Variants in SHPRH observed in about 807,000 individuals in gnomAD.
SHPRH encodes the protein E3 ubiquitin-protein ligase SHPRH.
In SHPRH, 106 loss-of-function variants were observed where a neutral mutation model predicts 202.5. The ratio of observed to expected loss-of-function variants is 0.52; its 90% confidence interval spans 0.45 to 0.62. The LOEUF is 0.62. SHPRH is among the 20% of genes least tolerant of loss of function. The probability of loss-of-function intolerance (pLI) is 0.00; values close to 1 mark genes in which losing one functional copy is unlikely to be tolerated. For synonymous variants in SHPRH, 729 were observed against 686.0 expected (o/e 1.06, Z -0.98); for missense variants, 1,710 against 2,020.0 (o/e 0.85, Z 2.94).
intron 2 of SHPRH, among the ~76,000 whole-genome samples, chr6:145,873,931 GCTCACGCCTGTAATCC>G (rs1285168559): frequency 6.6e-6 from 1 of 151,982 alleles, no homozygotes; most frequent in Non-Finnish European, 1.5e-5. Context: ...GGGCACAGTG[GCTCACGCCTGTAATCC>G]CAGCACTTTG....
At chr6:145,873,713 AAGGGAGGGAGGGAGGG>A (rs1200242419) in intron 2 of SHPRH, among the ~76,000 whole-genome samples, 3 of 87,968 alleles carry the variant, frequency 3.4e-5, no homozygotes, top group East Asian at 3.4e-4. Context: ...GGAAGGAAGG[AAGGGAGGGAGGGAGGG>A]AGGGAGGGAG....
chr6:145,962,550 A>C (rs146249834), intron 1 of SHPRH, among the ~76,000 whole-genome samples: 40 of 152,374 alleles, frequency 2.6e-4, no homozygotes, highest in African/African-American at 9.1e-4. Context: ...ATGGAATGCT[A>C]GAAAAATAAA....
In SHPRH at chr6:145,922,855, C is replaced by G; in HGVS notation, c.3546-19G>C. The G allele has an allele frequency of 6.4e-7, 1 of 1,571,674 alleles. No homozygotes were observed. Among genetic ancestry groups the G allele is most frequent in the South Asian group, 1.2e-5 (1 of 84,734 alleles). The stretch of plus-strand genomic sequence containing the variant: ...ACGGAACCTGATTCCCACACCAGCA[C>G]CACACACAATACAAAGAAAAGAATA... On this transcript the variant is annotated intron_variant, in intron 18 of 29. Coordinates refer to ENST00000275233, the MANE Select transcript of SHPRH (RefSeq NM_001042683.3).
intron 2 of SHPRH, among the ~76,000 whole-genome samples, chr6:145,868,497 A>G (rs1258562058): frequency 6.6e-6 from 1 of 152,210 alleles, no homozygotes; most frequent in Non-Finnish European, 1.5e-5. Flanking sequence ...TTGGGGGTAG[A>G]ATTAACTTTT....
intron 24 of SHPRH, 80 bp downstream of exon 24, chr6:145,913,398 C>T (rs1386957115): frequency 1.9e-5 from 25 of 1,326,932 alleles, no homozygotes; most frequent in East Asian, 4.8e-5. Context: ...GTGAGAAAAA[C>T]GAGAGAAAGA....
intron 25 of SHPRH, chr6:145,905,049 T>C (rs1782835719): frequency 6.6e-6 from 1 of 152,076 alleles, no homozygotes; most frequent in Non-Finnish European, 1.5e-5. Flanking sequence ...GGCTGTGCTG[T>C]TTACCAGTAG....
chr6:145,874,132 A>C (rs1447268876), intron 2 of SHPRH, among the ~76,000 whole-genome samples: 1 of 152,024 alleles, frequency 6.6e-6, no homozygotes, highest in Non-Finnish European at 1.5e-5. Flanking sequence ...CAGGAAGAGG[A>C]GGTTGCAGTG....
intron 5 of SHPRH, 98 bp downstream of exon 5, chr6:145,948,174 T>C: frequency 1.2e-6 from 1 of 812,032 alleles, no homozygotes; most frequent in Non-Finnish European, 1.9e-6. Flanking sequence ...GATTCCTTCA[T>C]GAGGTAGAGT....
intron 23 of SHPRH, among the ~76,000 whole-genome samples, chr6:145,916,960 T>C (rs1784013013): frequency 6.6e-6 from 1 of 152,142 alleles, no homozygotes; most frequent in African/African-American, 2.4e-5. Context: ...TTTGTATCTT[T>C]AGTAGAGACA....
chr6:145,864,380 C>T, exon 3 of SHPRH: 1 of 422,878 alleles, frequency 2.4e-6, no homozygotes, highest in Non-Finnish European at 5.0e-6. Context: ...AAATAAAAAA[C>T]AACTCACAAA....
At chr6:145,914,971 C>T in intron 23 of SHPRH, among the ~76,000 whole-genome samples, 1 of 151,718 alleles carries the variant, frequency 6.6e-6, no homozygotes, top group East Asian at 1.9e-4. Context: ...CATATTTGTT[C>T]ATTAGTGTTC....
intron 11 of SHPRH, among the ~76,000 whole-genome samples, chr6:145,937,854 T>C (rs911795011): frequency 6.6e-6 from 1 of 152,234 alleles, no homozygotes; most frequent in Admixed American, 6.5e-5. Flanking sequence ...CACAGCTCAG[T>C]TGTCAGCATC....
intron 14 of SHPRH, among the ~76,000 whole-genome samples, chr6:145,928,152 T>C (rs942753460): frequency 6.6e-6 from 1 of 152,042 alleles, no homozygotes; most frequent in Non-Finnish European, 1.5e-5. Context: ...TGGCTGCTGT[T>C]GTACTACAAC....
intron 25 of SHPRH, chr6:145,903,355 GA>G (rs1384031993): frequency 2.6e-5 from 4 of 151,252 alleles, no homozygotes; most frequent in African/African-American, 9.7e-5. Flanking sequence ...AAAAAAAACA[GA>G]ATAGAATTCC....
At chr6:145,886,844 A>G (rs543594840) in intron 29 of SHPRH, 57 bp from the exon 30 acceptor site, 97 of 1,567,998 alleles carry the variant, frequency 6.2e-5, no homozygotes, top group Non-Finnish European at 7.9e-5. Flanking sequence ...ATCAGCGATT[A>G]TATTTGTAGT....
chr6:145,919,159 G>A (rs1396962253), intron 22 of SHPRH, 189 bp downstream of exon 22: 2 of 658,664 alleles, frequency 3.0e-6, no homozygotes, highest in East Asian at 2.9e-5. Context: ...GCATGTAATA[G>A]ATATGAAATT....
intron 2 of SHPRH, among the ~76,000 whole-genome samples, chr6:145,867,107 T>C (rs530570783): frequency 1.3e-5 from 2 of 152,302 alleles, no homozygotes; most frequent in East Asian, 3.9e-4. Flanking sequence ...TTGAGGTCAC[T>C]ATAGGGGAAA....
At chr6:145,942,744 G>C (rs1300544113) in intron 9 of SHPRH, among the ~76,000 whole-genome samples, 1 of 152,174 alleles carries the variant, frequency 6.6e-6, no homozygotes, top group Non-Finnish European at 1.5e-5. Flanking sequence ...TACAGCTGAG[G>C]TAACTGAAGC....
At position 145,870,259 on chromosome 6, in the gene SHPRH, A is replaced by ATTTTTTTTTTTTTTTTTTTTTTTTTT. The variant is rs146513776; in HGVS notation, c.222-5769_222-5768insAAAAAAAAAAAAAAAAAAAAAAAAAA. 2.8e-5 allele frequency among the ~76,000 whole-genome samples: 3 copies of ATTTTTTTTTTTTTTTTTTTTTTTTTT among 107,740 alleles called. No homozygotes were observed. In the East Asian group the frequency reaches 8.1e-4, roughly 29 times the overall value. 70.7% of individuals were successfully genotyped at this position (107,740 alleles called of 152,430 possible). ...AGGGTTTTTTTGTCAATCGTTTCAG[A>ATTTTTTTTTTTTTTTTTTTTTTTTTT]TTTTTTTTTTTTTTTTTTTTGAGAT... On this transcript the variant is annotated intron_variant, in intron 2 of 2. Coordinates refer to the SHPRH transcript ENST00000417762.
Sources: gnomAD v4.1 joint callset for allele counts (sites outside exome capture counted in the v4.1 genomes callset) on GRCh38, gnomAD v4.1.1 for gene constraint, MANE v1.5 for transcripts, NCBI Gene and HGNC (gene_info 2026-07-23, HGNC 2026-07-21) for gene names.